POU1F1: variants seen among roughly 807,000 people sequenced by gnomAD.
POU1F1 encodes the protein pituitary-specific positive transcription factor 1.
Under a neutral mutation model 32.3 loss-of-function variants are expected in POU1F1, and 23 were observed. The ratio of observed to expected loss-of-function variants is 0.71; its 90% CI spans 0.51 to 1.01. POU1F1 has a LOEUF of 1.01. Among genes scored for constraint, POU1F1 ranks in the 50% least tolerant of loss-of-function variants. The probability of loss-of-function intolerance (pLI) is 0.00; values close to 1 mark genes in which losing one functional copy is unlikely to be tolerated. For missense variants in POU1F1, 323 were observed against 341.6 expected (o/e 0.95, Z 0.43); for synonymous variants, 120 against 115.6 (o/e 1.04, Z -0.25).
rs150265187 is a variant in POU1F1 at position 87,263,925 on chromosome 3, A to T, written c.439+363T>A. Among the ~76,000 whole-genome samples, 921 of 152,010 alleles carry T rather than the reference A, an allele frequency of 6.1e-3. 11 individuals are homozygous for T. Among genetic ancestry groups the T allele is most frequent in the Middle Eastern group, 0.01 (3 of 292 alleles). On this transcript the variant is annotated intron_variant, in intron 3 of 5. Coordinates refer to ENST00000350375, the MANE Select transcript of POU1F1 (RefSeq NM_000306.4). ...AAAGATACACAAGGAACTAACAACG[A>T]TATACAGAAAAAGCAAGCAGAAGGG...
rs72924042 is a variant in POU1F1, at chr3:87,269,137, T to C, written c.214+4210A>G. Among the ~76,000 whole-genome samples the C allele has an allele frequency of 4.9e-3, 743 of 152,318 alleles. 8 individuals carry two copies. Among genetic ancestry groups the C allele is most frequent in the African/African-American group, 0.017 (706 of 41,570 alleles). ...TATATTCCCCTCTGTTGCTTAGGCATAAAAATTCAAAGGAAATTATAAACT... is the reference window on the plus strand; with the variant it reads ...TATATTCCCCTCTGTTGCTTAGGCACAAAAATTCAAAGGAAATTATAAACT... On this transcript the variant is annotated intron_variant, in intron 2 of 5. Coordinates refer to ENST00000350375, the MANE Select transcript of POU1F1 (RefSeq NM_000306.4).
intron 2 of POU1F1, among the ~76,000 whole-genome samples, chr3:87,266,022 C>T (rs1706613510): frequency 2.7e-5 from 4 of 150,602 alleles, no homozygotes; most frequent in Admixed American, 2.7e-4. Context: ...GAAAAAAATG[C>T]ATCAAGAGTT....
At position 87,267,214 on chromosome 3, in the gene POU1F1, G is replaced by A. The variant is rs544416934; in HGVS notation, c.215-2702C>T. On this transcript the variant is annotated intron_variant, in intron 2 of 5. Transcript: ENST00000350375. ...AATCTTCTATGCAACACTTTGTGTC[G>A]TGTTAATTTCACATTTGTTATCATC... Among the ~76,000 whole-genome samples, 7 of 152,094 alleles carry A rather than the reference G, an allele frequency of 4.6e-5. 1 individual carries two copies. The East Asian group carries it at 5.8e-4, about 13-fold the overall frequency.
At chr3:87,261,718 G>T (rs1706517537) in intron 4 of POU1F1, among the ~76,000 whole-genome samples, 1 of 151,956 alleles carries the variant, frequency 6.6e-6, no homozygotes, top group Admixed American at 6.6e-5. Context: ...CAAATGTTTT[G>T]TGTACACTAA....
Position 87,276,563 on chromosome 3 carries a change from A to G in POU1F1, c.-101T>C, listed in dbSNP as rs1706832721. The G allele has an allele frequency of 7.3e-7, 1 of 1,366,202 alleles. No individual in the cohort carries two copies. The highest frequency in any genetic ancestry group is 1.0e-6 in the Non-Finnish European group (1 of 983,040). The allele number at this position is 1,366,202 out of a possible 1,614,324, so 84.6% of individuals were successfully genotyped here. On this transcript the variant is annotated 5_prime_UTR_variant, in exon 1 of 6. It removes an upstream start codon present in the reference 5' UTR. Coordinates refer to ENST00000350375, the MANE Select transcript of POU1F1 (RefSeq NM_000306.4). ...GGCCGATTCAATTCTCACTACCTGC[A>G]TATATACATCAGGAAGGCTCTGAGG...
At chr3:87,265,307 A>T (rs1273761775) in intron 2 of POU1F1, among the ~76,000 whole-genome samples, 1 of 152,110 alleles carries the variant, frequency 6.6e-6, no homozygotes, top group Non-Finnish European at 1.5e-5. Flanking sequence ...TTTATATATG[A>T]TAAGTGATTA....
intron 2 of POU1F1, among the ~76,000 whole-genome samples, chr3:87,272,083 T>A (rs1195744460): frequency 6.6e-6 from 1 of 151,890 alleles, no homozygotes; most frequent in African/African-American, 2.4e-5. Context: ...TCTGCGGTTT[T>A]TTTTTTTTAC....
chr3:87,271,939 ATTATT>A (rs1706734986), intron 2 of POU1F1, among the ~76,000 whole-genome samples: 1 of 152,152 alleles, frequency 6.6e-6, no homozygotes, highest in Non-Finnish European at 1.5e-5. Flanking sequence ...TTTCTGGATT[ATTATT>A]TTAAAGTTTT....
In POU1F1 at chr3:87,260,115, G is replaced by GT; in HGVS notation, c.666-12dup. The GT allele has an allele frequency of 6.2e-7, 1 of 1,609,590 alleles. No homozygotes were observed. The highest frequency in any genetic ancestry group is 8.5e-7 in the Non-Finnish European group (1 of 1,177,188). ...TCTTTAGCAGCAATGCTGGCGGGGG[G>GT]TGGACATAGGGGGTGAAATTTTGTT... On this transcript the variant is annotated splice_polypyrimidine_tract_variant and intron_variant, in intron 5 of 5. Transcript: ENST00000350375.
At chr3:87,271,586 T>G (rs966732581) in intron 2 of POU1F1, among the ~76,000 whole-genome samples, 3 of 152,162 alleles carry the variant, frequency 2.0e-5, no homozygotes, top group Non-Finnish European at 4.4e-5. Context: ...GGCATGTGTT[T>G]GTCATTTCCT....
Position 87,273,423 on chromosome 3 carries a change from G to A in POU1F1, c.143-5C>T, listed in dbSNP as rs1157109880. Reference sequence around the variant, plus strand: ...CAGAATAATGAAGTCCTGTTGCTGTGTTTCCCAACGTTGTCACCGAGAAAT... The same window carrying A: ...CAGAATAATGAAGTCCTGTTGCTGTATTTCCCAACGTTGTCACCGAGAAAT... On this transcript the variant is annotated splice_polypyrimidine_tract_variant and splice_region_variant and intron_variant, in intron 1 of 5. Coordinates refer to ENST00000350375, the MANE Select transcript of POU1F1 (RefSeq NM_000306.4). The A allele has an allele frequency of 3.7e-6, 6 of 1,611,732 alleles. No homozygotes were observed. In the African/African-American group the frequency reaches 6.7e-5, roughly 18 times the overall value.
At position 87,259,736 on chromosome 3, in the gene POU1F1, T is replaced by C. The variant is rs916299476; in HGVS notation, c.*158A>G. 4.5e-5 allele frequency: 29 copies of C among 647,980 alleles called. No homozygotes were observed. The South Asian group carries it at 5.2e-4, about 12-fold the overall frequency. 40.1% of individuals were successfully genotyped at this position (647,980 alleles called of 1,614,324 possible). ...GTAAATAACATCAATATAATTTAAA[T>C]TGTTGGTTTCTTTTTTTTAAAAAAA... On this transcript the variant is annotated 3_prime_UTR_variant, in exon 6 of 6. Transcript: ENST00000350375.
intron 2 of POU1F1, among the ~76,000 whole-genome samples, chr3:87,270,520 T>C (rs1041495153): frequency 6.6e-6 from 1 of 152,188 alleles, no homozygotes; most frequent in Non-Finnish European, 1.5e-5. Context: ...ATGCTCAAAC[T>C]AAATGTAAGC....
At chr3:87,261,933 A>G in intron 4 of POU1F1, 138 bp downstream of exon 4, 1 of 1,030,238 alleles carries the variant, frequency 9.7e-7, no homozygotes, top group Non-Finnish European at 1.5e-6. Flanking sequence ...TGATATAACA[A>G]AATGTTTATT....
chr3:87,260,198 T>G (rs1346091201), intron 5 of POU1F1, 94 bp from the exon 6 acceptor site: 1 of 958,086 alleles, frequency 1.0e-6, no homozygotes, highest in Non-Finnish European at 1.6e-6. Flanking sequence ...TCCTCAATAT[T>G]AACATGAAAA....
At chr3:87,263,930 C>T (rs1199296540) in intron 3 of POU1F1, among the ~76,000 whole-genome samples, 1 of 151,684 alleles carries the variant, frequency 6.6e-6, no homozygotes, top group East Asian at 1.9e-4. Flanking sequence ...CAACGATATA[C>T]AGAAAAAGCA....
chr3:87,276,350 G>C lies in POU1F1; in HGVS notation c.113C>G (p.Ser38Cys), dbSNP rs1360732154. 1.2e-6 allele frequency: 2 copies of C among 1,613,968 alleles called. No individual in the cohort carries two copies. The highest frequency in any genetic ancestry group is 1.7e-6 in the Non-Finnish European group (2 of 1,179,906). ...HHSAAECLPV[S>C]NHATNVMSTA... ...AGACATCACATTGGTGGCATGGTTGGAGACTGGTAGACACTCGGCAGCACT... is the reference window on the plus strand; with the variant it reads ...AGACATCACATTGGTGGCATGGTTGCAGACTGGTAGACACTCGGCAGCACT... Residue 38 changes from serine (S) to cysteine (C), a missense_variant, in exon 1 of 6, where the codon TCC (serine) becomes TGC (cysteine). Physicochemically the swap from Ser to Cys is moderately radical, Grantham distance 112. Coordinates refer to ENST00000350375, the MANE Select transcript of POU1F1 (RefSeq NM_000306.4).
At chr3:87,272,854 G>T (rs1048184513) in intron 2 of POU1F1, among the ~76,000 whole-genome samples, 2 of 126,378 alleles carry the variant, frequency 1.6e-5, no homozygotes, top group Admixed American at 8.0e-5. Context: ...ATAATGATGA[G>T]GGGGGGTGTT....
Position 87,276,453 on chromosome 3 carries a change from G to T in POU1F1, c.10C>A (p.Gln4Lys), listed in dbSNP as rs1320346151. 1.9e-6 allele frequency: 3 copies of T among 1,613,616 alleles called. No individual in the cohort carries two copies. The highest frequency in any genetic ancestry group is 1.3e-5 in the African/African-American group (1 of 74,872). The change falls in exon 1 of 6, where the codon CAA becomes AAA. Residue 4 changes from glutamine (Q) to lysine (K), a missense_variant. Coordinates refer to ENST00000350375, the MANE Select transcript of POU1F1 (RefSeq NM_000306.4). Reference protein sequence around the residue: MSCQAFTSADTFIP... With the variant: MSCKAFTSADTFIP... ...AAGGTATCAGCCGAAGTAAAAGCTT[G>T]GCAACTCATTCCCACAAGAGAGTAG...
Sources: gnomAD v4.1 joint callset for allele counts (sites outside exome capture counted in the v4.1 genomes callset) on GRCh38, gnomAD v4.1.1 for gene constraint, MANE v1.5 for transcripts, NCBI Gene and HGNC (gene_info 2026-07-23, HGNC 2026-07-21) for gene names.